CUX1: variants seen among roughly 807,000 people sequenced by gnomAD.
CUX1 encodes cut like homeobox 1.
A neutral mutation model predicts 158.8 loss-of-function variants in CUX1; 31 were observed. The ratio of observed to expected loss-of-function variants is 0.20; its 90% CI spans 0.15 to 0.26. The LOEUF is 0.26. Ranked by LOEUF, CUX1 falls within the 10% of genes least tolerant of loss-of-function variation. The pLI is 1.00. For missense variants in CUX1, 1,589 were observed against 2,014.6 expected, an observed-to-expected ratio of 0.79 and a Z score of 4.04; for synonymous variants, 879 against 862.1, an observed-to-expected ratio of 1.02 and a Z score of -0.34.
At chr7:102,005,812 T>G (rs1817288292) in intron 2 of CUX1, among the ~76,000 whole-genome samples, 1 of 152,164 alleles carries the variant, frequency 6.6e-6, no homozygotes. Context: ...GGAACCTGCT[T>G]CTGGAGGCAC....
intron 2 of CUX1, among the ~76,000 whole-genome samples, chr7:101,924,955 C>G (rs373673140): frequency 1.3e-5 from 2 of 152,194 alleles, no homozygotes; most frequent in Non-Finnish European, 2.9e-5. Context: ...ACTGGACTCT[C>G]AACTCTTCTC....
At chr7:102,131,678 ATTT>A (rs879948321) in intron 8 of CUX1, among the ~76,000 whole-genome samples, 1 of 93,374 alleles carries the variant, frequency 1.1e-5, no homozygotes, top group African/African-American at 4.2e-5. Flanking sequence ...TTATTTATTT[ATTT>A]TTTTTTTTTG....
At chr7:101,816,412 C>CGCCGCCGCCAGCGCCGCCGCCGCCGTT (rs1791789425), upstream of CUX1, among the ~76,000 whole-genome samples, 2 of 143,152 alleles carry the variant, frequency 1.4e-5, no homozygotes, top group South Asian at 2.1e-4. Context: ...CCCGCGCCGC[C>CGCCGCCGCCAGCGCCGCCGCCGCCGTT]GCCGCCGCCA....
chr7:101,839,206 G>T (rs1013183179), intron 1 of CUX1, among the ~76,000 whole-genome samples: 1 of 152,138 alleles, frequency 6.6e-6, no homozygotes, highest in Non-Finnish European at 1.5e-5. Flanking sequence ...GAATTTGAGG[G>T]GGGTGGACAA....
intron 5 of CUX1, among the ~76,000 whole-genome samples, chr7:102,098,797 C>T (rs554157168): frequency 7.5e-4 from 111 of 147,992 alleles, no homozygotes; most frequent in African/African-American, 2.5e-3. Context: ...CCCGCCACCA[C>T]GCCCAACTAA....
Position 102,254,092 on chromosome 7 carries a change from G to A in CUX1, c.*5050G>A, listed in dbSNP as rs972008036. On this transcript the variant is annotated 3_prime_UTR_variant, in exon 24 of 24. Transcript: ENST00000292535. ...TTTGTGTGTCTCTCCTTTTGTGAGC[G>A]CAACACGGACAAACAGCTGTGCTCT... 1.2e-5 allele frequency: 12 copies of A among 985,264 alleles called. No individual in the cohort carries two copies. The highest frequency in any genetic ancestry group is 2.3e-4 in the East Asian group (2 of 8,818). 61.0% of individuals were successfully genotyped at this position (985,264 alleles called of 1,614,324 possible). A position where few individuals can be genotyped will look rare whatever the true frequency, so the allele number is the denominator to read the frequency against.
rs782491231 is a variant in CUX1, at chr7:102,178,453, C to G, written c.829-16C>G. On this transcript the variant is annotated splice_polypyrimidine_tract_variant and intron_variant, in intron 10 of 23. Transcript: ENST00000292535. ...CAAGGCCAGCGCAGTTTTGTCATCT[C>G]TTTTCTCCTCCCCAGGAGCAGGCCA... 1 of 1,579,158 alleles carries G rather than the reference C, an allele frequency of 6.3e-7. No individual in the cohort carries two copies. Among genetic ancestry groups the G allele is most frequent in the Non-Finnish European group, 8.6e-7 (1 of 1,156,336 alleles).
intron 4 of CUX1, among the ~76,000 whole-genome samples, chr7:102,080,190 A>G (rs1352655891): frequency 6.6e-6 from 1 of 152,136 alleles, no homozygotes; most frequent in Non-Finnish European, 1.5e-5. Context: ...ACACAGCACT[A>G]GAGTGAGAAC....
At chr7:102,143,882 A>C (rs1274571359) in intron 8 of CUX1, among the ~76,000 whole-genome samples, 1 of 152,118 alleles carries the variant, frequency 6.6e-6, no homozygotes, top group Non-Finnish European at 1.5e-5. Flanking sequence ...TCCTGGGTTC[A>C]AGCCATCCTC....
intron 4 of CUX1, among the ~76,000 whole-genome samples, chr7:102,084,813 C>T (rs554310873): frequency 2.7e-5 from 4 of 149,198 alleles, no homozygotes; most frequent in Non-Finnish European, 5.9e-5. Context: ...TTTCCTGTAT[C>T]CATCCTGATT....
At chr7:101,991,549 A>AGTG (rs1815132531) in intron 2 of CUX1, among the ~76,000 whole-genome samples, 2 of 152,302 alleles carry the variant, frequency 1.3e-5, no homozygotes, top group South Asian at 2.1e-4. Flanking sequence ...ACTTGAGGTC[A>AGTG]GGAGTTCCAG....
At position 102,257,558 on chromosome 7, in the gene CUX1, G is replaced by A; in HGVS notation, c.*8516G>A. ...CCCCACATCCCTTTGCATTGAATAA[G>A]AGACCTAGTTCTTTGCGTTTGTGCA... is the stretch of plus-strand genomic sequence containing the variant. On this transcript the variant is annotated 3_prime_UTR_variant, in exon 24 of 24. Transcript: ENST00000292535. 1 of 985,444 alleles carries A rather than the reference G, an allele frequency of 1.0e-6. No homozygotes were observed. The allele number at this position is 985,444 out of a possible 1,614,324, so 61.0% of individuals were successfully genotyped here. A position where few individuals can be genotyped will look rare whatever the true frequency, so the allele number is the denominator to read the frequency against.
chr7:101,817,456 C>A, upstream of CUX1: 3 of 1,057,074 alleles, frequency 2.8e-6, no homozygotes, highest in Non-Finnish European at 3.4e-6. The surrounding 1 kb of genome is among the most constrained non-coding windows in gnomAD (Gnocchi z 4.1). Context: ...GCGCGGAGTC[C>A]CCGGCGCCGC....
chr7:101,937,111 C>T (rs1286651283), intron 2 of CUX1, among the ~76,000 whole-genome samples: 2 of 152,104 alleles, frequency 1.3e-5, no homozygotes, highest in Non-Finnish European at 2.9e-5. Flanking sequence ...GAGGATGTGT[C>T]CCCTGCCGGG....
chr7:101,876,362 C>T (rs1799135179), intron 1 of CUX1, among the ~76,000 whole-genome samples: 1 of 147,072 alleles, frequency 6.8e-6, no homozygotes, highest in Non-Finnish European at 1.5e-5. Flanking sequence ...ACCTGATTTG[C>T]AACAATTTTG....
At chr7:102,152,324 C>G (rs974140136) in intron 8 of CUX1, among the ~76,000 whole-genome samples, 4 of 152,272 alleles carry the variant, frequency 2.6e-5, no homozygotes, top group Middle Eastern at 3.4e-3. Flanking sequence ...CCACTGCACT[C>G]CATCCTGGGC....
chr7:102,017,664 G>A (rs568979204), intron 2 of CUX1, among the ~76,000 whole-genome samples: 16 of 152,314 alleles, frequency 1.1e-4, no homozygotes, highest in African/African-American at 3.8e-4. Context: ...TGGCCAACAT[G>A]GAGAAACCCC....
At chr7:101,971,358 T>TG (rs1329569485) in intron 2 of CUX1, among the ~76,000 whole-genome samples, 1 of 151,698 alleles carries the variant, frequency 6.6e-6, no homozygotes, top group East Asian at 1.9e-4. Flanking sequence ...GGAAAGAAAG[T>TG]GAGAGGAGGC....
chr7:102,106,507 A>G (rs1585703696), intron 6 of CUX1, among the ~76,000 whole-genome samples: 1 of 152,164 alleles, frequency 6.6e-6, no homozygotes, highest in Non-Finnish European at 1.5e-5. Flanking sequence ...GCAGCTTTCT[A>G]TAAAACATGC....
Sources: allele counts gnomAD v4.1 joint callset (sites outside exome capture counted in the v4.1 genomes callset), GRCh38; gene constraint gnomAD v4.1.1; non-coding constraint Gnocchi (gnomAD v3.1); transcripts MANE v1.5; gene names NCBI Gene and HGNC (gene_info 2026-07-23, HGNC 2026-07-21).